CGAS: variants seen among roughly 807,000 people sequenced by gnomAD.
The protein encoded by CGAS is cyclic GMP-AMP synthase.
CGAS carries 31 observed loss-of-function variants against 34.0 expected under a neutral mutation model. That is an observed-to-expected ratio of 0.91 (90% confidence interval 0.69 to 1.23). The LOEUF (loss-of-function observed/expected upper bound fraction) is 1.23, where lower values mean the gene tolerates loss of function less well. CGAS is among the 50% of genes most tolerant of loss of function. CGAS has a pLI of 0.00. For missense variants in CGAS, 597 were observed against 657.6 expected, an observed-to-expected ratio of 0.91 and a Z score of 1.01; for synonymous variants, 266 against 260.0, an observed-to-expected ratio of 1.02 and a Z score of -0.22.
intron 3 of CGAS, among the ~76,000 whole-genome samples, chr6:73,430,143 T>C (rs538436320): frequency 6.6e-6 from 1 of 151,768 alleles, no homozygotes; most frequent in East Asian, 1.9e-4. Flanking sequence ...GCAACAATCA[T>C]TATGTGAGGT....
At chr6:73,446,795 C>T (rs373907398) in intron 1 of CGAS, among the ~76,000 whole-genome samples, 2 of 148,404 alleles carry the variant, frequency 1.3e-5, no homozygotes. Flanking sequence ...CGGTGGCTCA[C>T]GCTTGTAATC....
Position 73,452,108 on chromosome 6 carries a change from C to A in CGAS, c.74G>T (p.Arg25Leu), listed in dbSNP as rs767939944. 6.3e-6 allele frequency: 10 copies of A among 1,597,370 alleles called. No homozygotes were observed. In the African/African-American group the frequency reaches 1.1e-4, roughly 17 times the overall value. Reference sequence around the variant, plus strand: ...ATCCATCGGGGCGCCCCTGGCATTCCGTGCGGAAGCCTTGGGGGCAGTGGC... The same window carrying A: ...ATCCATCGGGGCGCCCCTGGCATTCAGTGCGGAAGCCTTGGGGGCAGTGGC... ...AGATAPKASA[R>L]NARGAPMDPT... The change falls in exon 1 of 5, where the codon CGG (arginine) becomes CTG (leucine). Residue 25 changes from arginine (R) to leucine (L), a missense_variant. By Grantham distance (102) the Arg-to-Leu change is moderately radical (BLOSUM62 -2). Transcript: ENST00000370315.
At chr6:73,451,248 T>C (rs538544320) in intron 1 of CGAS, among the ~76,000 whole-genome samples, 1 of 152,162 alleles carries the variant, frequency 6.6e-6, no homozygotes, top group South Asian at 2.1e-4. Flanking sequence ...ACTCGATACA[T>C]GTCGGCTTGC....
intron 1 of CGAS, among the ~76,000 whole-genome samples, chr6:73,451,167 T>A (rs1474380227): frequency 6.6e-6 from 1 of 152,032 alleles, no homozygotes; most frequent in Non-Finnish European, 1.5e-5. Context: ...ACAGACCACT[T>A]CAAATTATCC....
At position 73,425,349 on chromosome 6, in the gene CGAS, A is replaced by C. The variant is rs1234011055; in HGVS notation, c.1447T>G (p.Tyr483Asp). ...QCLRTEKLEN[Y>D]FIPEFNLFSS... ...AATAGATTGAATTCAGGAATAAAAT[A>C]ATTCTCAAGTTTTTCTGTCCTGAGG... The change falls in exon 5 of 5, where the codon TAT (tyrosine) becomes GAT (aspartate). Residue 483 changes from tyrosine to aspartate, a missense_variant. Coordinates refer to ENST00000370315, the MANE Select transcript of CGAS (RefSeq NM_138441.3). 5 of 1,611,546 alleles carry C rather than the reference A, an allele frequency of 3.1e-6. No homozygotes were observed. The highest frequency in any genetic ancestry group is 3.4e-6 in the Non-Finnish European group (4 of 1,179,542).
At chr6:73,438,630 G>A (rs1205999470) in intron 3 of CGAS, among the ~76,000 whole-genome samples, 1 of 151,074 alleles carries the variant, frequency 6.6e-6, no homozygotes, top group Non-Finnish European at 1.5e-5. Flanking sequence ...AGGAGGCAGA[G>A]GTTGCAGTGA....
At chr6:73,443,043 A>C (rs1289196543) in intron 2 of CGAS, among the ~76,000 whole-genome samples, 1 of 151,786 alleles carries the variant, frequency 6.6e-6, no homozygotes, top group Non-Finnish European at 1.5e-5. Context: ...AGTGGCCTAC[A>C]CATGTTATCT....
intron 3 of CGAS, among the ~76,000 whole-genome samples, chr6:73,432,407 C>A (rs1202158825): frequency 6.6e-6 from 1 of 151,874 alleles, no homozygotes; most frequent in Non-Finnish European, 1.5e-5. Flanking sequence ...GTGACCCACC[C>A]GCCTTGGCCT....
intron 4 of CGAS, among the ~76,000 whole-genome samples, chr6:73,427,948 G>T (rs1307547868): frequency 2.0e-5 from 3 of 151,954 alleles, no homozygotes; most frequent in Non-Finnish European, 4.4e-5. Flanking sequence ...AAGTAGCTGG[G>T]ACCACAGGCA....
intron 3 of CGAS, among the ~76,000 whole-genome samples, chr6:73,437,236 A>G (rs1185221907): frequency 6.6e-6 from 1 of 152,184 alleles, no homozygotes; most frequent in Non-Finnish European, 1.5e-5. Context: ...TCAGGGAAGG[A>G]GAGAAGAGTG....
intron 3 of CGAS, 45 bp downstream of exon 3, chr6:73,440,164 A>G (rs1446943309): frequency 2.0e-6 from 3 of 1,533,804 alleles, no homozygotes; most frequent in African/African-American, 1.4e-5. Context: ...ATATAACATT[A>G]ACAACTCTTT....
chr6:73,441,267 A>G (rs1770375747), intron 2 of CGAS, among the ~76,000 whole-genome samples: 1 of 151,518 alleles, frequency 6.6e-6, no homozygotes. Flanking sequence ...TTTTCATTAC[A>G]AATTATAGAT....
chr6:73,438,302 T>C (rs1298094368), intron 3 of CGAS, among the ~76,000 whole-genome samples: 1 of 152,142 alleles, frequency 6.6e-6, no homozygotes, highest in Non-Finnish European at 1.5e-5. Flanking sequence ...TCTGGAATGA[T>C]GGCAGATGCA....
chr6:73,433,722 C>T (rs1007610766), intron 3 of CGAS, among the ~76,000 whole-genome samples: 33 of 150,310 alleles, frequency 2.2e-4, no homozygotes, highest in African/African-American at 6.1e-4. Context: ...CTCTTGACCT[C>T]GTAATCCACT....
In CGAS at chr6:73,445,898, G is replaced by A. The variant is rs1582657002; in HGVS notation, c.658-151C>T. ...ACCCTCTGGGAGTGGGACTAGTGGAGCTGGCAGGAGGTGGAAGAGTATTAC... is the reference window on the plus strand; with the variant it reads ...ACCCTCTGGGAGTGGGACTAGTGGAACTGGCAGGAGGTGGAAGAGTATTAC... On this transcript the variant is annotated intron_variant, in intron 1 of 4. Transcript: ENST00000370315. 5 of 580,566 alleles carry A rather than the reference G, an allele frequency of 8.6e-6. No individual in the cohort carries two copies. The East Asian group carries it at 1.5e-4, about 17-fold the overall frequency. 36.0% of individuals were successfully genotyped at this position (580,566 alleles called of 1,614,324 possible). A position where few individuals can be genotyped will look rare whatever the true frequency, so the allele number is the denominator to read the frequency against.
At chr6:73,436,891 C>G (rs1770289842) in intron 3 of CGAS, among the ~76,000 whole-genome samples, 1 of 152,148 alleles carries the variant, frequency 6.6e-6, no homozygotes, top group African/African-American at 2.4e-5. Context: ...TGGCTCACGC[C>G]TGTAATCCCA....
At chr6:73,429,504 A>G (rs575823245) in intron 3 of CGAS, among the ~76,000 whole-genome samples, 1 of 152,066 alleles carries the variant, frequency 6.6e-6, no homozygotes, top group Non-Finnish European at 1.5e-5. Flanking sequence ...CATTTCCTTT[A>G]TTCTTATTTA....
rs1419738273 is a variant in CGAS at position 73,446,451 on chromosome 6, C to T, written c.658-704G>A. Among the ~76,000 whole-genome samples, 77 of 11,954 alleles carry T rather than the reference C, an allele frequency of 6.4e-3. 2 individuals are homozygous for T. The highest frequency in any genetic ancestry group is 0.01 in the Non-Finnish European group (65 of 6,210). The allele number at this position is 11,954 out of a possible 152,430, so 7.8% of individuals were successfully genotyped here. A position where few individuals can be genotyped will look rare whatever the true frequency, so the allele number is the denominator to read the frequency against. On this transcript the variant is annotated intron_variant, in intron 1 of 4. Coordinates refer to ENST00000370315, the MANE Select transcript of CGAS (RefSeq NM_138441.3). ...ATTGAAAAAAAAAAATCGGGCCGGG[C>T]GCGGTGGCTCACGCCTGTAATCCCA...
intron 1 of CGAS, 113 bp from the exon 2 acceptor site, chr6:73,445,860 A>G: frequency 1.4e-6 from 1 of 740,582 alleles, no homozygotes; most frequent in Non-Finnish European, 2.2e-6. Flanking sequence ...CAAGATTCAT[A>G]ATGTCTATAT....
Sources: allele counts gnomAD v4.1 joint callset (sites outside exome capture counted in the v4.1 genomes callset), GRCh38; gene constraint gnomAD v4.1.1; transcripts MANE v1.5; gene names NCBI Gene and HGNC (gene_info 2026-07-23, HGNC 2026-07-21).